BLOC1S5: variants seen among roughly 807,000 people sequenced by gnomAD.
BLOC1S5 encodes biogenesis of lysosomal organelles complex 1 subunit 5.
In BLOC1S5, 27 loss-of-function variants were observed where a neutral mutation model predicts 24.3. The ratio of observed to expected loss-of-function variants is 1.11; its 90% CI spans 0.82 to 1.53. BLOC1S5 has a LOEUF of 1.53. Among genes scored for constraint, BLOC1S5 ranks in the 40% most tolerant of loss-of-function variants. The probability of loss-of-function intolerance (pLI) is 0.00; values close to 1 mark genes in which losing one functional copy is unlikely to be tolerated. For missense variants in BLOC1S5, 239 were observed against 229.4 expected (o/e 1.04, Z -0.27); for synonymous variants, 84 against 74.5 (o/e 1.13, Z -0.66).
chr6:8,047,203 C>A (rs1763936912), intron 2 of BLOC1S5, among the ~76,000 whole-genome samples: 1 of 126,620 alleles, frequency 7.9e-6, no homozygotes. Flanking sequence ...CACACACAGT[C>A]AACAGTAATT....
intron 2 of BLOC1S5, among the ~76,000 whole-genome samples, chr6:8,048,197 T>C (rs575663441): frequency 1.3e-5 from 2 of 152,328 alleles, no homozygotes; most frequent in South Asian, 4.1e-4. Flanking sequence ...TCAAGCTGGC[T>C]CTGGAATGCT....
chr6:8,023,589 C>G (rs77447554), intron 4 of BLOC1S5, among the ~76,000 whole-genome samples: 1 of 143,566 alleles, frequency 7.0e-6, no homozygotes, highest in Non-Finnish European at 1.5e-5. Flanking sequence ...GACTCCATCT[C>G]AAAAAAAAAA....
rs578149278 is a variant in BLOC1S5 at position 8,022,751 on chromosome 6, A to AT, written c.384+3615dup. Among the ~76,000 whole-genome samples the AT allele has an allele frequency of 2.0e-3, 279 of 136,456 alleles. 26 individuals carry two copies. Among genetic ancestry groups the AT allele is most frequent in the African/African-American group, 7.7e-3 (266 of 34,348 alleles). 89.5% of individuals were successfully genotyped at this position (136,456 alleles called of 152,430 possible). On this transcript the variant is annotated intron_variant, in intron 4 of 4. Coordinates refer to ENST00000397457, the MANE Select transcript of BLOC1S5 (RefSeq NM_201280.3). ...AGGCGCCCGCCACTACGCCCGGCTA[A>AT]TTTTTTGTATTTTTAGTAGAGACGG... is the stretch of plus-strand genomic sequence containing the variant.
At chr6:8,040,208 G>A (rs1455532246) in intron 3 of BLOC1S5, among the ~76,000 whole-genome samples, 1 of 152,166 alleles carries the variant, frequency 6.6e-6, no homozygotes, top group African/African-American at 2.4e-5. Context: ...AGAATCTAGA[G>A]TGTTCAACCA....
chr6:8,054,417 A>G (rs1764243711), intron 2 of BLOC1S5: 4 of 312,072 alleles, frequency 1.3e-5, no homozygotes, highest in Non-Finnish European at 2.5e-5. Flanking sequence ...GTTGTTAGGT[A>G]GAAGTCTCTC....
intron 2 of BLOC1S5, among the ~76,000 whole-genome samples, chr6:8,053,569 A>T (rs2743994): frequency 0.44 from 67,019 of 152,104 alleles, 15,889 homozygotes; most frequent in East Asian, 0.8. Context: ...TGCAAACTTA[A>T]TAGACTACAG....
chr6:8,059,189 C>A (rs1321884874), intron 2 of BLOC1S5, among the ~76,000 whole-genome samples: 1 of 152,170 alleles, frequency 6.6e-6, no homozygotes, highest in African/African-American at 2.4e-5. Context: ...CCTTATGAAT[C>A]TCTGTCCATA....
At chr6:8,026,272 T>C (rs2113527952) in intron 4 of BLOC1S5, 95 bp downstream of exon 4, 1 of 984,822 alleles carries the variant, frequency 1.0e-6, no homozygotes, top group South Asian at 1.4e-5. Flanking sequence ...TAAAACTCAC[T>C]GCATTCAGAG....
In BLOC1S5 at chr6:8,015,601, A is replaced by T. The variant is rs769999238; in HGVS notation, c.*48T>A. On this transcript the variant is annotated 3_prime_UTR_variant, in exon 5 of 5. Coordinates refer to ENST00000397457, the MANE Select transcript of BLOC1S5 (RefSeq NM_201280.3). ...GTCTGGTGGGAATAGTTTTCAGGAG[A>T]GAGGTGAACATCTTCTCATTAGTTT... 1.3e-6 allele frequency: 2 copies of T among 1,558,340 alleles called. No homozygotes were observed. The highest frequency in any genetic ancestry group is 1.7e-6 in the Non-Finnish European group (2 of 1,144,498).
At chr6:8,051,969 CTTTTTTTT>C (rs770301308) in intron 2 of BLOC1S5, among the ~76,000 whole-genome samples, 8 of 110,038 alleles carry the variant, frequency 7.3e-5, no homozygotes, top group Admixed American at 2.2e-4. Flanking sequence ...ACATCCATGC[CTTTTTTTT>C]TTTTTTTTTT....
intron 2 of BLOC1S5, among the ~76,000 whole-genome samples, chr6:8,042,959 A>G (rs1265871888): frequency 1.3e-5 from 2 of 152,086 alleles, no homozygotes; most frequent in East Asian, 3.9e-4. Flanking sequence ...ATCCTGTGTG[A>G]CTCCACTGGG....
At chr6:8,062,474 T>G (rs562783117) in intron 2 of BLOC1S5, 60 bp downstream of exon 2, 3 of 1,020,860 alleles carry the variant, frequency 2.9e-6, no homozygotes, top group Non-Finnish European at 4.3e-6. Flanking sequence ...ATTTCTCTTC[T>G]GTATAATAAC....
chr6:8,063,518 C>A (rs1317205947), intron 1 of BLOC1S5, among the ~76,000 whole-genome samples: 1 of 152,072 alleles, frequency 6.6e-6, no homozygotes, highest in Non-Finnish European at 1.5e-5. Context: ...TGCAGACATA[C>A]GATGGGCAGG....
chr6:8,041,858 G>T (rs1373684208), intron 2 of BLOC1S5: 2 of 150,660 alleles, frequency 1.3e-5, no homozygotes, highest in African/African-American at 4.9e-5. Context: ...GTGTTAGCCA[G>T]GATGGTCTCT....
chr6:8,055,122 C>T (rs1387760740), intron 2 of BLOC1S5, among the ~76,000 whole-genome samples: 2 of 152,030 alleles, frequency 1.3e-5, no homozygotes, highest in Non-Finnish European at 2.9e-5. Context: ...TCTTATGCTC[C>T]CAGAGCTCAT....
At chr6:8,052,079 G>A (rs996829017) in intron 2 of BLOC1S5, among the ~76,000 whole-genome samples, 4 of 145,714 alleles carry the variant, frequency 2.7e-5, no homozygotes, top group Non-Finnish European at 5.9e-5. Context: ...CCATTCTCCT[G>A]CCTCAGCCTC....
chr6:8,057,422 T>C (rs550561649), intron 2 of BLOC1S5, among the ~76,000 whole-genome samples: 1 of 152,346 alleles, frequency 6.6e-6, no homozygotes, highest in South Asian at 2.1e-4. Flanking sequence ...TTTATTTATA[T>C]ATGTATATTG....
chr6:8,064,232 T>A, intron 1 of BLOC1S5, 33 bp downstream of exon 1: 1 of 1,564,558 alleles, frequency 6.4e-7, no homozygotes, highest in Non-Finnish European at 8.7e-7. Flanking sequence ...TGTGCTGGGA[T>A]CCACCAGGAA....
Position 8,026,396 on chromosome 6 carries a change from G to A in BLOC1S5, c.355C>T (p.Leu119Phe). Residue 119 changes from leucine to phenylalanine, a missense_variant, in exon 4 of 5, where the codon CTC (leucine) becomes TTC (phenylalanine). Physicochemically the swap from Leu to Phe is conservative, Grantham distance 22. Coordinates refer to ENST00000397457, the MANE Select transcript of BLOC1S5 (RefSeq NM_201280.3). ...TTTCGTTCCTGTTCCCTCTGTTGGA[G>A]TCTACAGACTGAGTCATTAGCTGCT... is the stretch of plus-strand genomic sequence containing the variant. ...LQAANDSVCR[L>F]QQREQERKKI... 1.2e-6 allele frequency: 2 copies of A among 1,613,300 alleles called. No homozygotes were observed.
Sources: gnomAD v4.1 joint callset for allele counts (sites outside exome capture counted in the v4.1 genomes callset) on GRCh38, gnomAD v4.1.1 for gene constraint, MANE v1.5 for transcripts, NCBI Gene and HGNC (gene_info 2026-07-23, HGNC 2026-07-21) for gene names.